Variants in FAM193A observed in about 807,000 individuals in gnomAD.
The protein encoded by FAM193A is family with sequence similarity 193 member A.
In FAM193A, 22 loss-of-function variants were observed where a neutral mutation model predicts 126.5. That is an observed-to-expected ratio of 0.17 (90% confidence interval 0.12 to 0.25). FAM193A has a LOEUF of 0.25. Ranked by LOEUF, FAM193A falls within the 10% of genes least tolerant of loss-of-function variation. The pLI is 1.00. For missense variants in FAM193A, 1,675 were observed against 1,672.8 expected, an observed-to-expected ratio of 1.00 and a Z score of -0.02; for synonymous variants, 761 against 646.8, an observed-to-expected ratio of 1.18 and a Z score of -2.68.
chr4:2,697,879 C>T (rs533150411), intron 18 of FAM193A, among the ~76,000 whole-genome samples: 14 of 152,254 alleles, frequency 9.2e-5, no homozygotes, highest in South Asian at 2.1e-4. Context: ...GGCCCTGAGA[C>T]GTCCCATTGG....
At chr4:2,719,929 T>C in intron 20 of FAM193A, 1 of 280,692 alleles carries the variant, frequency 3.6e-6, no homozygotes, top group South Asian at 2.8e-5. Context: ...TAGCCGGGAC[T>C]ACAGGCACAT....
intron 7 of FAM193A, among the ~76,000 whole-genome samples, chr4:2,653,425 C>A (rs1267631872): frequency 1.3e-5 from 2 of 152,072 alleles, no homozygotes; most frequent in African/African-American, 2.4e-5. Flanking sequence ...TTCACTAAAG[C>A]AACCAGAAGA....
chr4:2,614,872 CAT>C (rs1742089449), intron 2 of FAM193A, among the ~76,000 whole-genome samples: 4 of 152,176 alleles, frequency 2.6e-5, no homozygotes, highest in Admixed American at 6.5e-5. Flanking sequence ...AATGTTGTGA[CAT>C]AAAGTTGTTC....
chr4:2,588,601 G>A (rs1740361559), intron 1 of FAM193A, among the ~76,000 whole-genome samples: 1 of 152,102 alleles, frequency 6.6e-6, no homozygotes, highest in East Asian at 1.9e-4. Flanking sequence ...TGTGCAAATG[G>A]CTACTTTGGA....
chr4:2,673,063 T>C (rs1714003008), intron 13 of FAM193A, among the ~76,000 whole-genome samples: 1 of 152,230 alleles, frequency 6.6e-6, no homozygotes, highest in Non-Finnish European at 1.5e-5. Flanking sequence ...GTGAAATTCT[T>C]AGGCTGGTTT....
At chr4:2,627,120 G>A (rs1033506425) in intron 4 of FAM193A, among the ~76,000 whole-genome samples, 2 of 151,260 alleles carry the variant, frequency 1.3e-5, no homozygotes, top group Admixed American at 6.6e-5. Flanking sequence ...AGAATTTGAG[G>A]TGGCCATAAT....
At chr4:2,716,966 G>A (rs531142494) in intron 20 of FAM193A, among the ~76,000 whole-genome samples, 3 of 151,580 alleles carry the variant, frequency 2.0e-5, no homozygotes, top group South Asian at 4.2e-4. Context: ...GTGAGCCACC[G>A]CGCCCAGCCT....
chr4:2,646,597 A>T (rs1745166247), intron 6 of FAM193A, 88 bp from the exon 7 acceptor site: 2 of 1,368,320 alleles, frequency 1.5e-6, no homozygotes. Flanking sequence ...ATGACAAAGC[A>T]GGATAGTATC....
chr4:2,590,464 A>AAG (rs1740470813), intron 1 of FAM193A, among the ~76,000 whole-genome samples: 1 of 79,726 alleles, frequency 1.3e-5, no homozygotes, highest in Non-Finnish European at 2.2e-5. Context: ...ACTCCATCTC[A>AAG]AAAAAAAAAA....
chr4:2,640,702 G>T (rs1045327245), intron 6 of FAM193A, among the ~76,000 whole-genome samples: 2 of 152,270 alleles, frequency 1.3e-5, no homozygotes, highest in African/African-American at 4.8e-5. Context: ...GGTGGCTCAC[G>T]CCTGTAATTC....
Position 2,696,166 on chromosome 4 carries a change from G to A in FAM193A, c.3277-197G>A, listed in dbSNP as rs969683964. The A allele has an allele frequency of 7.7e-6, 4 of 522,302 alleles. No individual in the cohort carries two copies. The African/African-American group carries it at 7.7e-5, about 10-fold the overall frequency. 32.4% of individuals were successfully genotyped at this position (522,302 alleles called of 1,614,324 possible). On this transcript the variant is annotated intron_variant, in intron 17 of 20. Transcript: ENST00000637812. ...TTTCATGAATATGTAAAATTTGAGA[G>A]TAGGTATCAAAATGCCACTTTTGGG...
At chr4:2,573,810 G>A (rs2108864407) in intron 1 of FAM193A, among the ~76,000 whole-genome samples, 1 of 152,276 alleles carries the variant, frequency 6.6e-6, no homozygotes. Flanking sequence ...GAAAGGCCTT[G>A]CCAGTGTGGT....
chr4:2,541,587 A>T (rs564030866), intron 1 of FAM193A, among the ~76,000 whole-genome samples: 122 of 151,308 alleles, frequency 8.1e-4, no homozygotes, highest in Admixed American at 1.7e-3. Context: ...CTGGGACTAC[A>T]GGCGCGTGCC....
chr4:2,551,414 G>C (rs1425556056), intron 1 of FAM193A, among the ~76,000 whole-genome samples: 2 of 152,174 alleles, frequency 1.3e-5, no homozygotes, highest in Non-Finnish European at 2.9e-5. Flanking sequence ...AAGCATTTCA[G>C]ATTTTGGATT....
chr4:2,562,943 T>C (rs191950464), intron 1 of FAM193A, among the ~76,000 whole-genome samples: 34 of 145,144 alleles, frequency 2.3e-4, no homozygotes, highest in African/African-American at 8.7e-4. Flanking sequence ...CATTTCTTTC[T>C]TTCTTTTTTT....
At chr4:2,726,064 A>T (rs889599825) in intron 20 of FAM193A, among the ~76,000 whole-genome samples, 2 of 151,396 alleles carry the variant, frequency 1.3e-5, no homozygotes, top group African/African-American at 4.9e-5. Context: ...ACGCCTGGCA[A>T]TTTTTTTTGT....
chr4:2,556,280 G>T (rs1174198914), intron 1 of FAM193A, among the ~76,000 whole-genome samples: 1 of 151,558 alleles, frequency 6.6e-6, no homozygotes, highest in Non-Finnish European at 1.5e-5. Flanking sequence ...ATCTCGGCTC[G>T]CTGCAACCTC....
intron 2 of FAM193A, among the ~76,000 whole-genome samples, chr4:2,608,930 G>A (rs929021578): frequency 2.1e-5 from 3 of 141,890 alleles, no homozygotes; most frequent in South Asian, 2.2e-4. Context: ...TCACTCTGTC[G>A]CCCAGGCTGG....
intron 2 of FAM193A, among the ~76,000 whole-genome samples, chr4:2,617,516 G>T (rs925056082): frequency 3.3e-5 from 5 of 151,112 alleles, no homozygotes; most frequent in African/African-American, 1.2e-4. Context: ...CACCTGCCTC[G>T]CCTTCCCAAA....
Sources: allele counts gnomAD v4.1 joint callset (sites outside exome capture counted in the v4.1 genomes callset), GRCh38; gene constraint gnomAD v4.1.1; transcripts MANE v1.5; gene names NCBI Gene and HGNC (gene_info 2026-07-23, HGNC 2026-07-21).